Variants in CRISPLD2 observed in about 807,000 individuals in gnomAD.
CRISPLD2 encodes the protein cysteine rich secretory protein LCCL domain containing 2, also known as cysteine-rich secretory protein LCCL domain-containing 2.
A neutral mutation model predicts 71.1 loss-of-function variants in CRISPLD2; 47 were observed. The observed-to-expected ratio is 0.66, with a 90% CI of 0.52 to 0.84. The LOEUF is 0.84. Among genes scored for constraint, CRISPLD2 ranks in the 40% least tolerant of loss-of-function variants. The pLI is 0.00. For synonymous variants in CRISPLD2, 317 were observed against 250.1 expected (o/e 1.27, Z -2.52); for missense variants, 830 against 651.1 (o/e 1.27, Z -2.99).
intron 1 of CRISPLD2, among the ~76,000 whole-genome samples, chr16:84,837,334 C>A (rs1337114841): frequency 6.6e-6 from 1 of 151,708 alleles, no homozygotes; most frequent in African/African-American, 2.4e-5. Flanking sequence ...TCTTTGTAAT[C>A]ATCATTTCGA....
rs780937131 is a variant in CRISPLD2, at chr16:84,838,632, G to A, written c.137G>A (p.Arg46Gln). The stretch of plus-strand genomic sequence containing the variant: ...TACCAGCACAACGAGTCTCACTCCC[G>A]GGTCCGCAGAGCCATCCCCAGGGAG... The part of the protein sequence containing the change: ...SKYQHNESHS[R>Q]VRRAIPREDK... The change falls in exon 2 of 15, where the codon CGG becomes CAG. Residue 46 changes from arginine to glutamine, a missense_variant. Transcript: ENST00000262424. 12 of 1,614,104 alleles carry A rather than the reference G, an allele frequency of 7.4e-6. No individual in the cohort carries two copies. The highest frequency in any genetic ancestry group is 4.0e-5 in the African/African-American group (3 of 74,936).
At chr16:84,836,790 C>T (rs1916632165) in intron 1 of CRISPLD2, among the ~76,000 whole-genome samples, 1 of 151,948 alleles carries the variant, frequency 6.6e-6, no homozygotes, top group African/African-American at 2.4e-5. Flanking sequence ...GACTGGTAAA[C>T]ACCTGGTTGG....
At chr16:84,904,466 C>T in intron 14 of CRISPLD2, among the ~76,000 whole-genome samples, 1 of 152,068 alleles carries the variant, frequency 6.6e-6, no homozygotes, top group Non-Finnish European at 1.5e-5. Flanking sequence ...CACCTGTAAT[C>T]CCAGCTACTT....
At chr16:84,903,351 C>G (rs867640221) in intron 14 of CRISPLD2, among the ~76,000 whole-genome samples, 52 of 152,120 alleles carry the variant, frequency 3.4e-4, no homozygotes, top group Middle Eastern at 6.8e-3. Flanking sequence ...CCGAGGCAGG[C>G]GGATCATGAG....
chr16:84,879,904 C>T (rs1009403268), intron 12 of CRISPLD2, among the ~76,000 whole-genome samples: 3 of 152,184 alleles, frequency 2.0e-5, no homozygotes, highest in African/African-American at 7.2e-5. Context: ...TAAGTAAAGC[C>T]CGTGCTCTTT....
At chr16:84,825,420 G>T (rs1347522811) in intron 1 of CRISPLD2, among the ~76,000 whole-genome samples, 1 of 151,988 alleles carries the variant, frequency 6.6e-6, no homozygotes, top group East Asian at 1.9e-4. Flanking sequence ...AAAATTAGCT[G>T]GTGTCCTCTC....
chr16:84,892,200 G>T (rs919338345), intron 14 of CRISPLD2, among the ~76,000 whole-genome samples: 1 of 152,166 alleles, frequency 6.6e-6, no homozygotes, highest in South Asian at 2.1e-4. Context: ...GATCAACCCA[G>T]AGCTTGTTGG....
At chr16:84,857,444 A>G (rs1290329223) in intron 6 of CRISPLD2, among the ~76,000 whole-genome samples, 2 of 152,170 alleles carry the variant, frequency 1.3e-5, no homozygotes, top group African/African-American at 2.4e-5. Context: ...TCTGTCGCCA[A>G]TTTCCCAGTC....
In CRISPLD2 at chr16:84,831,409, AT is replaced by A. The variant is rs565075284; in HGVS notation, c.-74-7005del. Among the ~76,000 whole-genome samples the A allele has an allele frequency of 9.9e-5, 15 of 151,804 alleles. No individual in the cohort carries two copies. The South Asian group carries it at 1.9e-3, about 19-fold the overall frequency. ...CCCCCAAGCATTGGACATTTAACAG[AT>A]TTTTTTTCCTTTTTTCTTTTGAGAT... is the stretch of plus-strand genomic sequence containing the variant. On this transcript the variant is annotated intron_variant, in intron 1 of 14. Transcript: ENST00000262424.
Position 84,898,336 on chromosome 16 carries a change from T to G in CRISPLD2, c.1440-8252T>G, listed in dbSNP as rs992993593. On this transcript the variant is annotated intron_variant, in intron 14 of 14. Transcript: ENST00000262424. ...AAGAATCAAATCCGCCCCACTCCCATTCAAGGCCGCAGCTGCTTCGGCCCC... is the reference window on the plus strand; with the variant it reads ...AAGAATCAAATCCGCCCCACTCCCAGTCAAGGCCGCAGCTGCTTCGGCCCC... 7.9e-5 allele frequency among the ~76,000 whole-genome samples: 12 copies of G among 152,254 alleles called. 1 individual carries two copies. Among genetic ancestry groups the G allele is most frequent in the East Asian group, 3.9e-4 (2 of 5,176 alleles).
chr16:84,858,991 A>C (rs976996158), intron 6 of CRISPLD2, among the ~76,000 whole-genome samples: 3 of 152,138 alleles, frequency 2.0e-5, no homozygotes, highest in African/African-American at 7.2e-5. Flanking sequence ...TTGAACGGGG[A>C]TGTGGGAATC....
intron 1 of CRISPLD2, among the ~76,000 whole-genome samples, chr16:84,835,683 T>C (rs1916601798): frequency 6.6e-6 from 1 of 152,186 alleles, no homozygotes; most frequent in Non-Finnish European, 1.5e-5. Flanking sequence ...ATGTGGAGGT[T>C]TCACTAAACC....
chr16:84,854,678 A>G (rs752173360), intron 5 of CRISPLD2, 51 bp from the exon 6 acceptor site: 1 of 1,352,630 alleles, frequency 7.4e-7, no homozygotes, highest in Non-Finnish European at 1.1e-6. Flanking sequence ...ATCAGTCCCG[A>G]GGCCTCACGT....
At chr16:84,867,998 G>T (rs1917589356) in intron 7 of CRISPLD2, among the ~76,000 whole-genome samples, 1 of 152,192 alleles carries the variant, frequency 6.6e-6, no homozygotes, top group Non-Finnish European at 1.5e-5. Context: ...TGCTCAGGCG[G>T]GGCTGGAGGG....
chr16:84,845,857 C>G lies in CRISPLD2; in HGVS notation c.312C>G (p.Thr104=). The change falls in exon 3 of 15, where the codon ACC becomes ACG. Residue 104 remains threonine, a synonymous_variant. Coordinates refer to ENST00000262424, the MANE Select transcript of CRISPLD2 (RefSeq NM_031476.4). ...AGTGCATCTGGGAGCACGGGCCCAC[C>G]AGTCTGCTGGTGTCCATCGGGCAGA... ...ASQCIWEHGP[T]SLLVSIGQNL... is the part of the protein sequence containing the mutation. 1 of 1,614,002 alleles carries G rather than the reference C, an allele frequency of 6.2e-7. No homozygotes were observed. The highest frequency in any genetic ancestry group is 8.5e-7 in the Non-Finnish European group (1 of 1,179,890).
intron 2 of CRISPLD2, among the ~76,000 whole-genome samples, chr16:84,842,737 G>C (rs1317544032): frequency 6.6e-6 from 1 of 152,168 alleles, no homozygotes; most frequent in Non-Finnish European, 1.5e-5. Context: ...CATGCTGTTG[G>C]GAGAGTTGCT....
chr16:84,835,090 T>C (rs1916583344), intron 1 of CRISPLD2, among the ~76,000 whole-genome samples: 1 of 152,108 alleles, frequency 6.6e-6, no homozygotes, highest in Non-Finnish European at 1.5e-5. Flanking sequence ...TGGTTACTTT[T>C]CTTTTTTTAA....
intron 12 of CRISPLD2, 41 bp from the exon 13 acceptor site, chr16:84,880,468 C>G (rs749626794): frequency 2.0e-6 from 3 of 1,511,950 alleles, no homozygotes; most frequent in African/African-American, 1.4e-5. Context: ...GTTTGGTTTT[C>G]TGTGCTCAGA....
At chr16:84,856,809 A>C (rs1382664562) in intron 6 of CRISPLD2, among the ~76,000 whole-genome samples, 1 of 152,204 alleles carries the variant, frequency 6.6e-6, no homozygotes, top group Non-Finnish European at 1.5e-5. Flanking sequence ...AAACCAGTGA[A>C]TTCCATGAGC....
Sources: gnomAD v4.1 joint callset for allele counts (sites outside exome capture counted in the v4.1 genomes callset) on GRCh38, gnomAD v4.1.1 for gene constraint, MANE v1.5 for transcripts, NCBI Gene and HGNC (gene_info 2026-07-23, HGNC 2026-07-21) for gene names.